UNC80: variants seen among roughly 807,000 people sequenced by gnomAD.
UNC80 encodes unc-80 subunit of NALCN channel complex.
Under a neutral mutation model 384.6 loss-of-function variants are expected in UNC80, and 164 were observed. The observed-to-expected ratio is 0.43, with a 90% CI of 0.38 to 0.49. UNC80 has a LOEUF of 0.49. Among genes scored for constraint, UNC80 ranks in the 20% least tolerant of loss-of-function variants. UNC80 has a pLI of 0.00. For synonymous variants in UNC80, 1,486 were observed against 1,527.8 expected (o/e 0.97, Z 0.64); for missense variants, 3,330 against 4,143.0 (o/e 0.80, Z 5.39).
intron 14 of UNC80, among the ~76,000 whole-genome samples, chr2:209,827,022 G>A (rs901774092): frequency 2.0e-5 from 3 of 151,834 alleles, no homozygotes; most frequent in African/African-American, 7.3e-5. Context: ...CTGTTTTGCT[G>A]TTTTATATTA....
In UNC80 at chr2:209,997,089, G is replaced by A. The variant is rs1559462306; in HGVS notation, c.*1494G>A. The A allele has an allele frequency of 6.6e-6, 1 of 152,006 alleles. No individual in the cohort carries two copies. Among genetic ancestry groups the A allele is most frequent in the Admixed American group, 6.6e-5 (1 of 15,266 alleles). The allele number at this position is 152,006 out of a possible 1,614,324, so 9.4% of individuals were successfully genotyped here. On this transcript the variant is annotated 3_prime_UTR_variant, in exon 65 of 65. Transcript: ENST00000673920. ...AGGAAAATTATTTTTTGTTAGAATT[G>A]CTTATTAAATAGGCATACTTTATAC...
At chr2:209,912,459 T>A (rs2089057494) in intron 29 of UNC80, 101 bp from the exon 30 acceptor site, 2 of 621,892 alleles carry the variant, frequency 3.2e-6, no homozygotes, top group African/African-American at 1.9e-5. Flanking sequence ...AATTATCGCT[T>A]CCACTAGAAG....
At chr2:209,992,371 A>C (rs2093408397) in intron 62 of UNC80, 124 bp downstream of exon 62, 4 of 872,848 alleles carry the variant, frequency 4.6e-6, no homozygotes, top group Non-Finnish European at 7.1e-6. Flanking sequence ...GCTACTGGGG[A>C]GGCTGATGTG....
chr2:209,819,455 A>G (rs1574587181), intron 12 of UNC80, among the ~76,000 whole-genome samples, 194 bp downstream of exon 12: 1 of 152,274 alleles, frequency 6.6e-6, no homozygotes, highest in African/African-American at 2.4e-5. Context: ...CAAGCATTGC[A>G]TTAGATTTGA....
chr2:209,994,113 C>A lies in UNC80; in HGVS notation c.9557C>A (p.Ala3186Glu). 1 of 1,551,610 alleles carries A rather than the reference C, an allele frequency of 6.4e-7. No individual in the cohort carries two copies. Among genetic ancestry groups the A allele is most frequent in the South Asian group, 1.2e-5 (1 of 84,054 alleles). Residue 3186 changes from alanine to glutamate, a missense_variant, in exon 64 of 65, where the codon GCA becomes GAA. This residue lies in a region of UNC80 where 236 missense variants were observed against 254.9 expected (regional missense o/e 0.93). Transcript: ENST00000673920. Reference sequence around the variant, plus strand: ...TTCATTGAGGCTCAGCCAGAGCCAGCAGCTGCCCCAACAGATGCGCTTCCT... The same window carrying A: ...TTCATTGAGGCTCAGCCAGAGCCAGAAGCTGCCCCAACAGATGCGCTTCCT... The part of the protein sequence containing the change: ...VTFIEAQPEP[A>E]AAPTDALPAT...
intron 61 of UNC80, among the ~76,000 whole-genome samples, chr2:209,989,034 T>C (rs2093343803): frequency 6.6e-6 from 1 of 151,982 alleles, no homozygotes; most frequent in African/African-American, 2.4e-5. Context: ...GAAACCTGAC[T>C]GGGCACCGTG....
chr2:209,829,403 C>T, intron 15 of UNC80, 24 bp downstream of exon 15: 2 of 1,550,468 alleles, frequency 1.3e-6, no homozygotes, highest in Non-Finnish European at 1.7e-6. Flanking sequence ...CACCCAAGTT[C>T]TAGGAGAAGT....
chr2:209,831,144 C>T (rs1383764141), intron 15 of UNC80, among the ~76,000 whole-genome samples: 1 of 150,740 alleles, frequency 6.6e-6, no homozygotes, highest in Non-Finnish European at 1.5e-5. Flanking sequence ...AAAAACTACT[C>T]TAAGCCTAAA....
intron 55 of UNC80, among the ~76,000 whole-genome samples, chr2:209,972,711 G>A (rs1559419180): frequency 6.6e-6 from 1 of 152,182 alleles, no homozygotes; most frequent in Non-Finnish European, 1.5e-5. Flanking sequence ...AAATTCCAAT[G>A]TATTTTCATT....
chr2:209,953,430 A>C (rs1350326325), intron 47 of UNC80, among the ~76,000 whole-genome samples: 4 of 151,560 alleles, frequency 2.6e-5, no homozygotes, highest in Admixed American at 2.0e-4. Flanking sequence ...AAAAAAAAAA[A>C]AAAAAAAAAA....
chr2:209,813,967 T>G (rs2159745), intron 8 of UNC80, 126 bp downstream of exon 8: 1,203,049 of 1,206,040 alleles, frequency 1, 600,080 homozygotes, highest in East Asian at 1. Flanking sequence ...TTACACTGTT[T>G]CTATTATCTT....
Position 209,789,662 on chromosome 2 carries a change from A to G in UNC80, c.798+57A>G, listed in dbSNP as rs138259178. 5 of 1,242,364 alleles carry G rather than the reference A, an allele frequency of 4.0e-6. No homozygotes were observed. In the East Asian group the frequency reaches 1.2e-4, roughly 29 times the overall value. The allele number at this position is 1,242,364 out of a possible 1,614,324, so 77.0% of individuals were successfully genotyped here. ...GGCAGAAAGTCCTTGGACATAGTGT[A>G]GTGTGAAGGGAAAGACATGAGTTCT... On this transcript the variant is annotated intron_variant, in intron 6 of 64. Transcript: ENST00000673920.
rs1369756905 is a variant in UNC80, at chr2:209,976,283, C to T, written c.8752C>T (p.Arg2918Cys). 6.4e-7 allele frequency: 1 copy of T among 1,551,714 alleles called. No homozygotes were observed. Among genetic ancestry groups the T allele is most frequent in the Non-Finnish European group, 8.7e-7 (1 of 1,147,010 alleles). The stretch of plus-strand genomic sequence containing the variant: ...CCGAATACCCATCTTTGTGCTTTTG[C>T]GCCCTTTCATCCAGTGCAAGGTGTG... The part of the protein sequence containing the change: ...RTRIPIFVLL[R>C]PFIQCKLLAQ... Residue 2918 changes from arginine to cysteine, a missense_variant, in exon 57 of 65, where the codon CGC (arginine) becomes TGC (cysteine). Transcript: ENST00000673920. This position sits in a 1 kb window ranked among gnomAD's most constrained non-coding sequence, Gnocchi z 4.3.
At chr2:209,798,220 C>T (rs1371088956) in intron 7 of UNC80, among the ~76,000 whole-genome samples, 1 of 152,202 alleles carries the variant, frequency 6.6e-6, no homozygotes, top group African/African-American at 2.4e-5. Context: ...GCATTTTAGT[C>T]ATGAAGTCTT....
rs766343506 is a variant in UNC80, at chr2:209,806,339, GACT to G, written c.939-7236_939-7234del. ...AACAAAAGCCAGCTATAATGTTCAAGACTACTATTTGTGAACAGATATTTTTTT... is the reference window on the plus strand; with the variant it reads ...AACAAAAGCCAGCTATAATGTTCAAGACTATTTGTGAACAGATATTTTTTT... On this transcript the variant is annotated intron_variant, in intron 7 of 64. Coordinates refer to ENST00000673920, the MANE Select transcript of UNC80 (RefSeq NM_001371986.1). Among the ~76,000 whole-genome samples, 36 of 152,262 alleles carry G rather than the reference GACT, an allele frequency of 2.4e-4. 1 individual carries two copies. The East Asian group carries it at 6.6e-3, about 28-fold the overall frequency.
rs1272847015 is a variant in UNC80, at chr2:209,888,182, G to A, written c.4198G>A (p.Glu1400Lys). 5.2e-6 allele frequency: 8 copies of A among 1,551,622 alleles called. No homozygotes were observed. Among genetic ancestry groups the A allele is most frequent in the Non-Finnish European group, 6.1e-6 (7 of 1,146,990 alleles). ...GATCAGCTTTGCTGGGGTCCTGGAC[G>A]AAAATGAAGACTCAAAAGATTCTCT... The part of the protein sequence containing the change: ...RKISFAGVLD[E>K]NEDSKDSLHS... The change falls in exon 26 of 65, where the codon GAA (glutamate) becomes AAA (lysine). Residue 1400 changes from glutamate (E) to lysine (K), a missense_variant. By Grantham distance (56) the Glu-to-Lys change is moderately conservative (BLOSUM62 1). Around this residue, in one of 8 missense-constraint regions of UNC80, gnomAD observed 801 missense variants for 950.8 expected, o/e 0.84. Transcript: ENST00000673920.
intron 20 of UNC80, among the ~76,000 whole-genome samples, 169 bp from the exon 21 acceptor site, chr2:209,842,181 G>T (rs2081812500): frequency 6.6e-6 from 1 of 152,146 alleles, no homozygotes; most frequent in Non-Finnish European, 1.5e-5. Context: ...TTTGGCACAT[G>T]GGAATGAACT....
chr2:209,829,463 A>G, intron 15 of UNC80, 84 bp downstream of exon 15: 1 of 1,448,870 alleles, frequency 6.9e-7, no homozygotes, highest in South Asian at 1.3e-5. Flanking sequence ...AAATTTGTGG[A>G]GGTAGAATTT....
intron 13 of UNC80, among the ~76,000 whole-genome samples, chr2:209,822,368 C>T (rs75433823): frequency 0.011 from 1,716 of 152,196 alleles, 30 homozygotes; most frequent in African/African-American, 0.039. Flanking sequence ...ATGCTAAGAT[C>T]TAAAGAATCA....
Sources: allele counts gnomAD v4.1 joint callset (sites outside exome capture counted in the v4.1 genomes callset), GRCh38; gene constraint gnomAD v4.1.1; regional missense constraint gnomAD v4.1.1; non-coding constraint Gnocchi (gnomAD v3.1); transcripts MANE v1.5; gene names NCBI Gene and HGNC (gene_info 2026-07-23, HGNC 2026-07-21).